The following FOXJ3 variants were observed in gnomAD, a reference collection of about 807,000 sequenced individuals.
The protein encoded by FOXJ3 is forkhead box J3, also known as forkhead box protein J3.
Under a neutral mutation model 76.1 loss-of-function variants are expected in FOXJ3, and 22 were observed. That is an observed-to-expected ratio of 0.29 (90% CI 0.21 to 0.41). The LOEUF is 0.41. Ranked by LOEUF, FOXJ3 falls within the 10% of genes least tolerant of loss-of-function variation. FOXJ3 has a pLI of 1.00. For missense variants in FOXJ3, 613 were observed against 762.1 expected, an observed-to-expected ratio of 0.80 and a Z score of 2.30; for synonymous variants, 269 against 261.2, an observed-to-expected ratio of 1.03 and a Z score of -0.29.
chr1:42,251,706 A>AT (rs1168120638), intron 4 of FOXJ3, among the ~76,000 whole-genome samples: 2,770 of 87,428 alleles, frequency 0.032, 200 homozygotes, highest in Non-Finnish European at 0.035. Flanking sequence ...GTTTGCCAGT[A>AT]TTTTTTTTTT....
intron 5 of FOXJ3, among the ~76,000 whole-genome samples, chr1:42,223,684 A>G (rs1647323985): frequency 6.6e-6 from 1 of 152,212 alleles, no homozygotes; most frequent in South Asian, 2.1e-4. Flanking sequence ...TCATTACTTA[A>G]TATTTGCTCT....
At chr1:42,251,041 A>G (rs1649998129) in intron 4 of FOXJ3, among the ~76,000 whole-genome samples, 1 of 152,088 alleles carries the variant, frequency 6.6e-6, no homozygotes, top group South Asian at 2.1e-4. Flanking sequence ...ATAATAACTG[A>G]AAATATCCCA....
chr1:42,180,749 G>T (rs1214976840), intron 12 of FOXJ3, among the ~76,000 whole-genome samples: 2 of 152,090 alleles, frequency 1.3e-5, no homozygotes, highest in African/African-American at 4.8e-5. Flanking sequence ...CTTAATGTGG[G>T]TCAGGCACTA....
At chr1:42,239,357 G>A (rs1327119993) in intron 4 of FOXJ3, among the ~76,000 whole-genome samples, 1 of 152,144 alleles carries the variant, frequency 6.6e-6, no homozygotes, top group Non-Finnish European at 1.5e-5. Context: ...AATATAAACT[G>A]TAGATTTTTC....
chr1:42,299,022 C>G (rs1653963754), intron 2 of FOXJ3, among the ~76,000 whole-genome samples: 1 of 152,132 alleles, frequency 6.6e-6, no homozygotes, highest in Non-Finnish European at 1.5e-5. Context: ...GATCTGATTT[C>G]AGTATTTTGG....
chr1:42,302,318 T>C (rs1654201778), intron 2 of FOXJ3, among the ~76,000 whole-genome samples: 1 of 152,176 alleles, frequency 6.6e-6, no homozygotes, highest in African/African-American at 2.4e-5. Context: ...TGTAGATGGG[T>C]ATATATGTGA....
chr1:42,241,696 G>T (rs987849616), intron 4 of FOXJ3, among the ~76,000 whole-genome samples: 1 of 152,152 alleles, frequency 6.6e-6, no homozygotes, highest in African/African-American at 2.4e-5. Context: ...CGGATCCCAA[G>T]GGTTGTCCCA....
intron 1 of FOXJ3, among the ~76,000 whole-genome samples, chr1:42,326,823 C>A (rs1284167360): frequency 6.6e-6 from 1 of 152,146 alleles, no homozygotes; most frequent in Non-Finnish European, 1.5e-5. Flanking sequence ...CTATAACCTT[C>A]CATTTTTACC....
chr1:42,312,278 G>T (rs1654860358), intron 1 of FOXJ3, among the ~76,000 whole-genome samples: 1 of 152,148 alleles, frequency 6.6e-6, no homozygotes, highest in Non-Finnish European at 1.5e-5. Flanking sequence ...GGCTGATCTT[G>T]AACTCCTGGG....
At chr1:42,207,900 T>G (rs1036952477) in intron 5 of FOXJ3, among the ~76,000 whole-genome samples, 1 of 152,198 alleles carries the variant, frequency 6.6e-6, no homozygotes, top group Non-Finnish European at 1.5e-5. Flanking sequence ...TCAGTTTTGG[T>G]GCCAGCCAAC....
intron 4 of FOXJ3, among the ~76,000 whole-genome samples, chr1:42,261,852 G>A (rs1239282713): frequency 2.0e-5 from 3 of 152,134 alleles, no homozygotes; most frequent in African/African-American, 7.2e-5. Context: ...CAAATGTCAG[G>A]AAACACTGTA....
At chr1:42,246,211 A>C (rs955976086) in intron 4 of FOXJ3, among the ~76,000 whole-genome samples, 1 of 152,222 alleles carries the variant, frequency 6.6e-6, no homozygotes, top group African/African-American at 2.4e-5. Flanking sequence ...TAATCAACGG[A>C]GTGAGGAGAC....
intron 12 of FOXJ3, among the ~76,000 whole-genome samples, 187 bp downstream of exon 12, chr1:42,181,730 A>G (rs1212563494): frequency 6.6e-6 from 1 of 152,192 alleles, no homozygotes; most frequent in Non-Finnish European, 1.5e-5. Flanking sequence ...CCATCGGGAA[A>G]GCTAACGCTT....
chr1:42,324,812 C>T (rs1295952166), intron 1 of FOXJ3, among the ~76,000 whole-genome samples: 1 of 152,176 alleles, frequency 6.6e-6, no homozygotes, highest in Non-Finnish European at 1.5e-5. Context: ...GCTTGCAGGA[C>T]TGGCAGTTGC....
chr1:42,304,030 G>C (rs1570208882), intron 2 of FOXJ3, among the ~76,000 whole-genome samples: 1 of 152,144 alleles, frequency 6.6e-6, no homozygotes, highest in East Asian at 1.9e-4. Flanking sequence ...AAAACCTAAA[G>C]ACTCCACTAA....
chr1:42,335,442 C>G (rs1226061424), upstream of FOXJ3: 2 of 152,510 alleles, frequency 1.3e-5, no homozygotes, highest in Admixed American at 1.3e-4. Context: ...CCGGCAGTTC[C>G]GAGCGACTTG....
intron 5 of FOXJ3, among the ~76,000 whole-genome samples, chr1:42,224,129 CAA>C (rs1404018525): frequency 6.6e-6 from 1 of 152,104 alleles, no homozygotes; most frequent in Non-Finnish European, 1.5e-5. Context: ...AACAACTTGC[CAA>C]AAGTCACAGG....
chr1:42,189,511 C>T, intron 9 of FOXJ3, 107 bp from the exon 10 acceptor site: 3 of 753,940 alleles, frequency 4.0e-6, no homozygotes, highest in Admixed American at 2.1e-5. Context: ...ATTCTTGTCC[C>T]GTCTTACAAG....
At chr1:42,257,006 A>T (rs946804508) in intron 4 of FOXJ3, among the ~76,000 whole-genome samples, 8 of 152,212 alleles carry the variant, frequency 5.3e-5, no homozygotes, top group African/African-American at 1.9e-4. Context: ...GAACTTACGG[A>T]AAAAAATCTA....
Sources: gnomAD v4.1 joint callset for allele counts (sites outside exome capture counted in the v4.1 genomes callset) on GRCh38, gnomAD v4.1.1 for gene constraint, MANE v1.5 for transcripts, NCBI Gene and HGNC (gene_info 2026-07-23, HGNC 2026-07-21) for gene names.